GRIP1: variants seen among roughly 807,000 people sequenced by gnomAD.
GRIP1 encodes glutamate receptor-interacting protein 1.
A neutral mutation model predicts 129.9 loss-of-function variants in GRIP1; 45 were observed. That is an observed-to-expected ratio of 0.35 (90% CI 0.27 to 0.44). GRIP1 has a LOEUF of 0.44. GRIP1 is among the 20% of genes least tolerant of loss of function. The pLI is 1.00. For missense variants in GRIP1, 1,196 were observed against 1,396.8 expected (o/e 0.86, Z 2.29); for synonymous variants, 530 against 520.8 (o/e 1.02, Z -0.24).
intron 19 of GRIP1, among the ~76,000 whole-genome samples, chr12:66,386,276 T>A (rs946357438): frequency 1.3e-5 from 2 of 152,202 alleles, no homozygotes; most frequent in African/African-American, 4.8e-5. Context: ...AGCTTTTAAT[T>A]CATACCCAGC....
chr12:66,574,790 T>TTTTTTTTTTTTTTTTTTTTTTC (rs55885862), intron 2 of GRIP1, among the ~76,000 whole-genome samples: 15 of 142,138 alleles, frequency 1.1e-4, no homozygotes, highest in South Asian at 2.2e-4. Context: ...CACTTTTCTT[T>TTTTTTTTTTTTTTTTTTTTTTC]TTTTTTTTTT....
At chr12:66,668,267 A>T (rs894449870) in intron 1 of GRIP1, among the ~76,000 whole-genome samples, 1 of 152,218 alleles carries the variant, frequency 6.6e-6, no homozygotes, top group African/African-American at 2.4e-5. Flanking sequence ...CATAGCCTGT[A>T]AACCAAATTT....
intron 1 of GRIP1, among the ~76,000 whole-genome samples, chr12:67,024,204 CTT>C (rs1417526826): frequency 6.6e-6 from 1 of 152,128 alleles, no homozygotes; most frequent in Non-Finnish European, 1.5e-5. Context: ...TTCTATGACT[CTT>C]GAGAAAGATG....
chr12:66,699,650 T>A (rs552682896), intron 1 of GRIP1, among the ~76,000 whole-genome samples: 4 of 152,168 alleles, frequency 2.6e-5, no homozygotes, highest in Non-Finnish European at 4.4e-5. Context: ...GTCTTTATTA[T>A]CAGTGTGAGA....
chr12:66,589,226 CTG>C (rs377252406), intron 2 of GRIP1, among the ~76,000 whole-genome samples: 15 of 129,006 alleles, frequency 1.2e-4, no homozygotes, highest in Admixed American at 2.5e-4. Flanking sequence ...CTCTCTCTCT[CTG>C]TCTGTCTGTC....
chr12:66,420,935 C>T (rs1027035244), intron 14 of GRIP1, 146 bp from the exon 15 acceptor site: 4 of 604,800 alleles, frequency 6.6e-6, no homozygotes, highest in Non-Finnish European at 9.0e-6. Context: ...GAAGTATGCA[C>T]ATTATGTCTT....
intron 7 of GRIP1, among the ~76,000 whole-genome samples, chr12:66,478,994 G>A (rs535499138): frequency 7.9e-5 from 12 of 151,494 alleles, no homozygotes; most frequent in South Asian, 4.2e-4. Context: ...AAACCTGCAC[G>A]TTGTGCACAT....
chr12:66,794,601 T>C (rs917098251), intron 1 of GRIP1, among the ~76,000 whole-genome samples: 2 of 152,214 alleles, frequency 1.3e-5, no homozygotes, highest in East Asian at 1.9e-4. Flanking sequence ...ACGTTACTTC[T>C]ATTCTGAGCT....
chr12:67,029,750 T>C (rs2135773227), intron 1 of GRIP1, among the ~76,000 whole-genome samples: 2 of 152,210 alleles, frequency 1.3e-5, no homozygotes, highest in South Asian at 2.1e-4. Flanking sequence ...GCTAGTCATG[T>C]TGATGGAAAC....
chr12:66,954,967 G>C (rs1237610464), intron 1 of GRIP1, among the ~76,000 whole-genome samples: 1 of 152,168 alleles, frequency 6.6e-6, no homozygotes, highest in Non-Finnish European at 1.5e-5. Context: ...AGGCCTCATT[G>C]ATAAAGTGCC....
At chr12:67,066,143 G>A (rs1292560762) in intron 1 of GRIP1, among the ~76,000 whole-genome samples, 5 of 152,162 alleles carry the variant, frequency 3.3e-5, no homozygotes, top group East Asian at 3.8e-4. Flanking sequence ...AGCATTGCAT[G>A]CCATAGCAAT....
chr12:66,554,227 A>T (rs1185267741), intron 2 of GRIP1, among the ~76,000 whole-genome samples: 3 of 152,196 alleles, frequency 2.0e-5, no homozygotes, highest in African/African-American at 7.2e-5. Context: ...ACTCAGCTAC[A>T]GTCAGAGAGG....
At chr12:66,618,867 A>C (rs12369322) in intron 1 of GRIP1, among the ~76,000 whole-genome samples, 6,967 of 152,178 alleles carry the variant, frequency 0.046, 319 homozygotes, top group African/African-American at 0.12. Flanking sequence ...AAAAAATGAG[A>C]TGTTCAGTAG....
intron 7 of GRIP1, among the ~76,000 whole-genome samples, chr12:66,475,432 T>C (rs1199134723): frequency 6.6e-6 from 1 of 151,970 alleles, no homozygotes; most frequent in Non-Finnish European, 1.5e-5. Context: ...AGACAGAAAG[T>C]TAACAAGGAT....
chr12:66,965,549 T>TGTGTGTG, intron 1 of GRIP1, among the ~76,000 whole-genome samples: 2 of 128,342 alleles, frequency 1.6e-5, no homozygotes, highest in Non-Finnish European at 3.2e-5. Context: ...AAAAGAAACA[T>TGTGTGTG]TGTGTGTGTG....
intron 1 of GRIP1, among the ~76,000 whole-genome samples, chr12:66,957,045 C>A (rs1383073988): frequency 6.6e-6 from 1 of 152,090 alleles, no homozygotes; most frequent in Non-Finnish European, 1.5e-5. Context: ...CCACAAAATT[C>A]ATATGTTGAA....
intron 1 of GRIP1, among the ~76,000 whole-genome samples, chr12:67,018,001 A>G (rs2042812937): frequency 6.6e-6 from 1 of 152,212 alleles, no homozygotes; most frequent in East Asian, 1.9e-4. Context: ...TTGTTACACC[A>G]CAACAGATAC....
At chr12:66,849,264 A>T (rs916143606) in intron 1 of GRIP1, among the ~76,000 whole-genome samples, 1 of 151,952 alleles carries the variant, frequency 6.6e-6, no homozygotes. Flanking sequence ...CATTTCTTCC[A>T]TCTCCTACAA....
chr12:66,827,253 A>C (rs552600097), intron 1 of GRIP1, among the ~76,000 whole-genome samples: 10 of 152,166 alleles, frequency 6.6e-5, no homozygotes, highest in African/African-American at 2.4e-4. Context: ...AACTAGGGAA[A>C]GAGTCTACCT....
Sources: allele counts gnomAD v4.1 joint callset (sites outside exome capture counted in the v4.1 genomes callset), GRCh38; gene constraint gnomAD v4.1.1; transcripts MANE v1.5; gene names NCBI Gene and HGNC (gene_info 2026-07-23, HGNC 2026-07-21).